MTA3: variants seen among roughly 807,000 people sequenced by gnomAD.
MTA3 encodes the protein metastasis associated 1 family member 3, also known as metastasis-associated protein MTA3.
A neutral mutation model predicts 83.5 loss-of-function variants in MTA3; 34 were observed. The ratio of observed to expected loss-of-function variants is 0.41; its 90% CI spans 0.31 to 0.54. The LOEUF (loss-of-function observed/expected upper bound fraction) is 0.54, where lower values mean the gene tolerates loss of function less well. Among genes scored for constraint, MTA3 ranks in the 20% least tolerant of loss-of-function variants. The pLI is 0.33. For missense variants in MTA3, 761 were observed against 726.4 expected (o/e 1.05, Z -0.55); for synonymous variants, 303 against 252.7 (o/e 1.20, Z -1.89).
At chr2:42,746,789 A>G (rs1482692693) in intron 16 of MTA3, among the ~76,000 whole-genome samples, 1 of 152,254 alleles carries the variant, frequency 6.6e-6, no homozygotes, top group Non-Finnish European at 1.5e-5. Flanking sequence ...TGCACCTTCC[A>G]TGCCCTCCCT....
rs1332393972 is a variant in MTA3, at chr2:42,531,397, TG to T, written c.-141+36145del. 2.0e-5 allele frequency among the ~76,000 whole-genome samples: 3 copies of T among 150,008 alleles called. No individual in the cohort carries two copies. In the Admixed American group the frequency reaches 2.0e-4, roughly 10 times the overall value. ...ATGTAACTATGTAACACACAAAGAGTGGATGCTTTAAACAATCTATTTTTTT... is the reference window on the plus strand; with the variant it reads ...ATGTAACTATGTAACACACAAAGAGTGATGCTTTAAACAATCTATTTTTTT... On this transcript the variant is annotated intron_variant, in intron 2 of 17. Transcript: ENST00000405592.
At chr2:42,558,012 G>A (rs970002987) in intron 2 of MTA3, among the ~76,000 whole-genome samples, 1 of 152,108 alleles carries the variant, frequency 6.6e-6, no homozygotes, top group African/African-American at 2.4e-5. Flanking sequence ...AGGGGAGTTG[G>A]TATTCATTGG....
At chr2:42,502,110 A>G in intron 2 of MTA3, among the ~76,000 whole-genome samples, 1 of 149,528 alleles carries the variant, frequency 6.7e-6, no homozygotes, top group South Asian at 2.2e-4. Flanking sequence ...GAGGCCATAC[A>G]TTGGTTTGAC....
chr2:42,619,480 A>T (rs1053817548), intron 4 of MTA3, among the ~76,000 whole-genome samples: 1 of 152,224 alleles, frequency 6.6e-6, no homozygotes, highest in Non-Finnish European at 1.5e-5. Context: ...AAATGAATCT[A>T]AAGAAAGATC....
intron 2 of MTA3, among the ~76,000 whole-genome samples, chr2:42,525,807 G>A (rs1205048419): frequency 1.3e-5 from 2 of 150,814 alleles, no homozygotes; most frequent in Admixed American, 1.3e-4. Context: ...ACAGGTGCAC[G>A]CCACCATGCC....
chr2:42,634,807 C>T (rs541165901), intron 4 of MTA3, among the ~76,000 whole-genome samples: 1 of 152,192 alleles, frequency 6.6e-6, no homozygotes, highest in African/African-American at 2.4e-5. Context: ...TATATTCCTA[C>T]TATTAATTTT....
chr2:42,679,799 CAG>C (rs1691705353), intron 8 of MTA3, among the ~76,000 whole-genome samples: 1 of 151,342 alleles, frequency 6.6e-6, no homozygotes, highest in African/African-American at 2.4e-5. Flanking sequence ...ATCAGACAAA[CAG>C]AATATCTTTT....
intron 6 of MTA3, among the ~76,000 whole-genome samples, chr2:42,655,145 G>A (rs1689056229): frequency 6.6e-6 from 1 of 152,126 alleles, no homozygotes; most frequent in African/African-American, 2.4e-5. Context: ...TATAAACCAT[G>A]ACTAGCTTTG....
chr2:42,651,329 T>C (rs1173305029), intron 6 of MTA3, among the ~76,000 whole-genome samples: 1 of 152,208 alleles, frequency 6.6e-6, no homozygotes, highest in Non-Finnish European at 1.5e-5. Context: ...GCTATACTAA[T>C]TTTATTTAAA....
chr2:42,656,517 A>G (rs993092562), intron 7 of MTA3, among the ~76,000 whole-genome samples: 1 of 152,206 alleles, frequency 6.6e-6, no homozygotes, highest in Non-Finnish European at 1.5e-5. Context: ...ACTGATTAAG[A>G]AAACAGAAAA....
At chr2:42,613,603 T>G (rs775465681) in intron 4 of MTA3, 4 of 152,198 alleles carry the variant, frequency 2.6e-5, no homozygotes, top group Non-Finnish European at 4.4e-5. Flanking sequence ...AGAGGGTAAT[T>G]TGGTGAATAC....
chr2:42,543,656 T>G (rs1013286852), intron 2 of MTA3, among the ~76,000 whole-genome samples: 1 of 150,194 alleles, frequency 6.7e-6, no homozygotes, highest in Non-Finnish European at 1.5e-5. Flanking sequence ...GATTTTTTTT[T>G]TTTTTTTTTT....
At position 42,632,382 on chromosome 2, in the gene MTA3, G is replaced by C. The variant is rs540249840; in HGVS notation, c.318-7791G>C. Among the ~76,000 whole-genome samples, 10 of 152,134 alleles carry C rather than the reference G, an allele frequency of 6.6e-5. No individual in the cohort carries two copies. The South Asian group carries it at 1.7e-3, about 25-fold the overall frequency. On this transcript the variant is annotated intron_variant, in intron 4 of 16. Coordinates refer to ENST00000405094, the MANE Select transcript of MTA3 (RefSeq NM_001330442.2). ...TGGGATTACAGGCTTGAGCCACCGC[G>C]CCCAGCCCCCAGCTGCTGTTTTGTA... is the stretch of plus-strand genomic sequence containing the variant.
At chr2:42,576,659 G>A (rs886612148) in intron 2 of MTA3, among the ~76,000 whole-genome samples, 1 of 152,106 alleles carries the variant, frequency 6.6e-6, no homozygotes, top group Non-Finnish European at 1.5e-5. Flanking sequence ...CCAGGACTTC[G>A]GGAGGCCGAG....
chr2:42,714,229 T>C (rs963676939), intron 14 of MTA3, among the ~76,000 whole-genome samples: 1 of 152,238 alleles, frequency 6.6e-6, no homozygotes, highest in Non-Finnish European at 1.5e-5. Flanking sequence ...TGTTTTCTAT[T>C]GGCAGTCTTA....
chr2:42,536,303 G>A (rs541013369), intron 2 of MTA3, among the ~76,000 whole-genome samples: 40 of 151,828 alleles, frequency 2.6e-4, no homozygotes, highest in African/African-American at 7.0e-4. Context: ...AAGAAACCCC[G>A]TCTCTAATAA....
chr2:42,746,766 G>A (rs1473542950), intron 16 of MTA3, among the ~76,000 whole-genome samples: 1 of 152,246 alleles, frequency 6.6e-6, no homozygotes, highest in African/African-American at 2.4e-5. Flanking sequence ...GGCGAGGCAT[G>A]TGAGAAGGGG....
chr2:42,723,206 A>G, intron 16 of MTA3, 171 bp downstream of exon 16: 1 of 759,394 alleles, frequency 1.3e-6, no homozygotes, highest in Non-Finnish European at 2.1e-6. Flanking sequence ...TTGCCAAGGG[A>G]TAGTTCTCCA....
intron 4 of MTA3, among the ~76,000 whole-genome samples, chr2:42,622,730 A>C (rs1044910633): frequency 1.3e-4 from 20 of 151,654 alleles, no homozygotes; most frequent in African/African-American, 4.1e-4. Context: ...GGCCTCAAGT[A>C]ATCTTCCCAC....
Sources: allele counts gnomAD v4.1 joint callset (sites outside exome capture counted in the v4.1 genomes callset), GRCh38; gene constraint gnomAD v4.1.1; transcripts MANE v1.5; gene names NCBI Gene and HGNC (gene_info 2026-07-23, HGNC 2026-07-21).